The following EOLA1 variants were observed in gnomAD, a reference collection of about 807,000 sequenced individuals.
EOLA1 encodes endothelium and lymphocyte associated ASCH domain 1.
In EOLA1, 1 loss-of-function variant was observed where a neutral mutation model predicts 4.5. That is an observed-to-expected ratio of 0.22 (90% confidence interval 0.08 to 1.05). The LOEUF (loss-of-function observed/expected upper bound fraction) is 1.05. Ranked by LOEUF, EOLA1 falls within the 50% of genes least tolerant of loss-of-function variation. The pLI is 0.57. For synonymous variants in EOLA1, 37 were observed against 52.3 expected, an observed-to-expected ratio of 0.71 and a Z score of 1.26; for missense variants, 69 against 127.2, an observed-to-expected ratio of 0.54 and a Z score of 2.20.
At chrX:149,541,650 A>T in intron 1 of EOLA1, 1 of 384,423 alleles carries the variant, frequency 2.6e-6, no homozygotes, top group Non-Finnish European at 3.3e-6. Flanking sequence ...ACCCAGAATT[A>T]AGCTGAGGAC....
At chrX:149,549,479 G>T, downstream of EOLA1, 1 of 1,155,824 alleles carries the variant, frequency 8.7e-7, no homozygotes, top group Admixed American at 2.7e-5. Context: ...GATCCTCTCT[G>T]CACCTTTCCG....
intron 2 of EOLA1, chrX:149,544,518 C>T: frequency 1.3e-6 from 1 of 752,388 alleles, no homozygotes; most frequent in South Asian, 6.7e-5. Context: ...TCTGACTGTT[C>T]TATTAGGTGC....
In EOLA1 at chrX:149,547,012, G is replaced by A; in HGVS notation, c.*50G>A. On this transcript the variant is annotated 3_prime_UTR_variant, in exon 5 of 5. Transcript: ENST00000393985. ...GTTCCAGAGAAACCAGCTAAATCAT[G>A]ACACCTTCAATTTGCCATCATGACG... The A allele has an allele frequency of 3.3e-6, 4 of 1,206,279 alleles. No homozygotes were observed. The highest frequency in any genetic ancestry group is 4.5e-6 in the Non-Finnish European group (4 of 892,023).
Position 149,546,893 on chromosome X carries a change from G to A in EOLA1, c.408G>A (p.Arg136=). Residue 136 remains arginine, a synonymous_variant, in exon 5 of 5, where the codon AGG becomes AGA. Transcript: ENST00000393985. The part of the protein sequence containing the change: ...NPRWLLEPIP[R]KGGKDVFQVD... ...GGTGGTTACTGGAGCCCATACCTAG[G>A]AAAGGAGGCAAGGATGTATTCCAGG... is the stretch of plus-strand genomic sequence containing the variant. 3 of 1,209,206 alleles carry A rather than the reference G, an allele frequency of 2.5e-6. No homozygotes were observed. Among genetic ancestry groups the A allele is most frequent in the East Asian group, 3.0e-5 (1 of 33,721 alleles).
At chrX:149,541,745 G>A in intron 1 of EOLA1, 1 of 752,257 alleles carries the variant, frequency 1.3e-6, no homozygotes, top group Non-Finnish European at 1.6e-6. Context: ...AGCATGCTTG[G>A]CTGCAAGAAT....
In EOLA1 at chrX:149,547,780, G is replaced by A. The variant is rs2089877571; in HGVS notation, c.*818G>A. ...TTGACTGCAGTGGCCCTTCTCTTCT[G>A]AGCCAGGATGTTATGGTGGTTGTAC... is the stretch of plus-strand genomic sequence containing the variant. On this transcript the variant is annotated 3_prime_UTR_variant, in exon 5 of 5. Transcript: ENST00000393985. 6.5e-6 allele frequency: 1 copy of A among 152,684 alleles called. No individual in the cohort carries two copies. Among genetic ancestry groups the A allele is most frequent in the Non-Finnish European group, 9.2e-6 (1 of 108,380 alleles). 12.6% of individuals were successfully genotyped at this position (152,684 alleles called of 1,213,427 possible). A position where few individuals can be genotyped will look rare whatever the true frequency, so the allele number is the denominator to read the frequency against.
Position 149,541,218 on chromosome X carries a change from C to G in EOLA1, c.-355C>G. ...ACTGTTCATTCCTGTGGCGAAAAGC[C>G]GGAGTCGGCCCTAGACACCCACGAC... On this transcript the variant is annotated 5_prime_UTR_variant, in exon 1 of 5. Coordinates refer to ENST00000393985, the MANE Select transcript of EOLA1 (RefSeq NM_001171907.3). The G allele has an allele frequency of 8.7e-6, 1 of 114,942 alleles. No homozygotes were observed. The highest frequency in any genetic ancestry group is 8.9e-4 in the Middle Eastern group (1 of 1,128). The allele number at this position is 114,942 out of a possible 1,213,427, so 9.5% of individuals were successfully genotyped here. A position where few individuals can be genotyped will look rare whatever the true frequency, so the allele number is the denominator to read the frequency against.
At chrX:149,542,246 A>G (rs2089743727) in intron 2 of EOLA1, among the ~76,000 whole-genome samples, 161 bp downstream of exon 2, 1 of 112,248 alleles carries the variant, frequency 8.9e-6, no homozygotes, top group Non-Finnish European at 1.9e-5. Flanking sequence ...CATTCACTGT[A>G]GCCATTTATC....
At position 149,548,019 on chromosome X, in the gene EOLA1, C is replaced by T. The variant is rs1371388631; in HGVS notation, c.*1057C>T. Among the ~76,000 whole-genome samples, 1 of 101,451 alleles carries T rather than the reference C, an allele frequency of 9.9e-6. No homozygotes were observed. Among genetic ancestry groups the T allele is most frequent in the Non-Finnish European group, 2.0e-5 (1 of 50,303 alleles). The allele number at this position is 101,451 out of a possible 115,157, so 88.1% of individuals were successfully genotyped here. ...TGACCAGCAGGCCAATCTCAGGGGA[C>T]CAGGTCTTCCTGGGCTTGGCCTCGA... is the stretch of plus-strand genomic sequence containing the variant. On this transcript the variant is annotated 3_prime_UTR_variant, in exon 5 of 5. Coordinates refer to ENST00000393985, the MANE Select transcript of EOLA1 (RefSeq NM_001171907.3).
Position 149,545,893 on chromosome X carries a change from A to T in EOLA1, c.253+10A>T, listed in dbSNP as rs1557347720. ...CGAGGAGTGATAGCGGGTAAGTGAC[A>T]ATGTACCAAATGCGCAGACAACGCC... On this transcript the variant is annotated intron_variant, in intron 4 of 4. Transcript: ENST00000393985. 5.8e-6 allele frequency: 7 copies of T among 1,198,868 alleles called. No individual in the cohort carries two copies. Among genetic ancestry groups the T allele is most frequent in the Admixed American group, 4.4e-5 (2 of 45,611 alleles).
chrX:149,545,464 G>A lies in EOLA1; in HGVS notation c.-66G>A. The A allele has an allele frequency of 9.1e-7, 1 of 1,101,445 alleles. No homozygotes were observed. Among genetic ancestry groups the A allele is most frequent in the South Asian group, 2.3e-5 (1 of 43,179 alleles). 90.8% of individuals were successfully genotyped at this position (1,101,445 alleles called of 1,213,427 possible). A position where few individuals can be genotyped will look rare whatever the true frequency, so the allele number is the denominator to read the frequency against. On this transcript the variant is annotated 5_prime_UTR_variant, in exon 3 of 5. It introduces an in-frame stop codon into an upstream open reading frame of the 5' UTR. Coordinates refer to ENST00000393985, the MANE Select transcript of EOLA1 (RefSeq NM_001171907.3). Reference sequence around the variant, plus strand: ...CTTCCCTTGGGCCTGCTGTGGTGCTGGACATCAGTGACAGACGGAAGCAGG... The same window carrying A: ...CTTCCCTTGGGCCTGCTGTGGTGCTAGACATCAGTGACAGACGGAAGCAGG...
chrX:149,545,537 G>A lies in EOLA1; in HGVS notation c.-30+37G>A, dbSNP rs1356204955. The A allele has an allele frequency of 1.0e-5, 12 of 1,160,115 alleles. No homozygotes were observed. The African/African-American group carries it at 1.8e-4, about 17-fold the overall frequency. ...TTAGGCCACCTGAGAGACACGGGGGGAAGGTCAGGCCACTGCCCATGAGCT... is the reference window on the plus strand; with the variant it reads ...TTAGGCCACCTGAGAGACACGGGGGAAAGGTCAGGCCACTGCCCATGAGCT... On this transcript the variant is annotated intron_variant, in intron 3 of 4. Coordinates refer to ENST00000393985, the MANE Select transcript of EOLA1 (RefSeq NM_001171907.3).
rs2089871094 is a variant in EOLA1 at position 149,547,453 on chromosome X, TA to T, written c.*493del. 1 of 602,313 alleles carries T rather than the reference TA, an allele frequency of 1.7e-6. No individual in the cohort carries two copies. Among genetic ancestry groups the T allele is most frequent in the Non-Finnish European group, 2.0e-6 (1 of 502,828 alleles). 49.6% of individuals were successfully genotyped at this position (602,313 alleles called of 1,213,427 possible). ...TGTTTGCCTGGTAGTGACTAGCCGT[TA>T]ATCAACCGACTCATCCAGGATGAAG... On this transcript the variant is annotated 3_prime_UTR_variant, in exon 5 of 5. Coordinates refer to ENST00000393985, the MANE Select transcript of EOLA1 (RefSeq NM_001171907.3).
intron 2 of EOLA1, chrX:149,544,967 G>A (rs2089809817): frequency 5.4e-6 from 4 of 738,285 alleles, no homozygotes; most frequent in Non-Finnish European, 6.4e-6. Flanking sequence ...TGACAGTGGA[G>A]AGCAGTGGTA....
At chrX:149,545,565 G>C in intron 3 of EOLA1, 37 bp from the exon 4 acceptor site, 1 of 1,182,114 alleles carries the variant, frequency 8.5e-7, no homozygotes, top group Non-Finnish European at 1.1e-6. Flanking sequence ...CATGAGCTTG[G>C]AGGGCTGGCG....
intron 2 of EOLA1, 162 bp from the exon 3 acceptor site, chrX:149,545,206 G>A (rs1557347374): frequency 1.1e-5 from 7 of 619,806 alleles, no homozygotes; most frequent in Non-Finnish European, 1.2e-5. Context: ...AAGAGAAGCA[G>A]AGGGTGGGAC....
chrX:149,541,858 A>C lies in EOLA1; in HGVS notation c.-229-161A>C, dbSNP rs1352929074. The C allele has an allele frequency of 5.8e-6, 4 of 692,288 alleles. No individual in the cohort carries two copies. In the African/African-American group the frequency reaches 7.1e-5, roughly 12 times the overall value. The allele number at this position is 692,288 out of a possible 1,213,427, so 57.1% of individuals were successfully genotyped here. On this transcript the variant is annotated intron_variant, in intron 1 of 4. Coordinates refer to ENST00000393985, the MANE Select transcript of EOLA1 (RefSeq NM_001171907.3). ...GGGTCCCACTGCTGTGATTAGCAGA[A>C]CCAAACTGTGATGTGCACATGTGTG...
At chrX:149,545,117 G>C (rs1602805887) in intron 2 of EOLA1, 1 of 546,679 alleles carries the variant, frequency 1.8e-6, no homozygotes, top group East Asian at 1.7e-4. Flanking sequence ...CCCTGGAGTA[G>C]GAGCTGGGAA....
At chrX:149,549,544 A>ATCG, downstream of EOLA1, 1 of 1,064,528 alleles carries the variant, frequency 9.4e-7, no homozygotes, top group Non-Finnish European at 1.2e-6. Context: ...CGTCTCCATC[A>ATCG]TCGTTCCAGC....
Sources: gnomAD v4.1 joint callset for allele counts (sites outside exome capture counted in the v4.1 genomes callset) on GRCh38, gnomAD v4.1.1 for gene constraint, MANE v1.5 for transcripts, NCBI Gene and HGNC (gene_info 2026-07-23, HGNC 2026-07-21) for gene names.